The following ROBO1 variants were observed in gnomAD, a reference collection of about 807,000 sequenced individuals.
The protein encoded by ROBO1 is roundabout guidance receptor 1.
A neutral mutation model predicts 195.9 loss-of-function variants in ROBO1; 149 were observed. The observed-to-expected ratio is 0.76, with a 90% confidence interval of 0.67 to 0.87. The LOEUF is 0.87. Ranked by LOEUF, ROBO1 falls within the 40% of genes least tolerant of loss-of-function variation. The pLI, the probability that ROBO1 is intolerant of heterozygous loss-of-function variation, is 0.00. For synonymous variants in ROBO1, 816 were observed against 733.2 expected, an observed-to-expected ratio of 1.11 and a Z score of -1.82; for missense variants, 1,933 against 2,068.3, an observed-to-expected ratio of 0.93 and a Z score of 1.27.
chr3:78,802,177 AG>A (rs1285101825), intron 4 of ROBO1, among the ~76,000 whole-genome samples: 1 of 152,180 alleles, frequency 6.6e-6, no homozygotes, highest in East Asian at 1.9e-4. Context: ...GAAGGGTGTC[AG>A]CTGAATTTAA....
rs2108049689 is a variant in ROBO1 at position 79,636,694 on chromosome 3, A to C, written c.-50-46733T>G. On this transcript the variant is annotated intron_variant, in intron 1 of 30. Coordinates refer to ENST00000464233, the MANE Select transcript of ROBO1 (RefSeq NM_002941.4). ...CTATTCTGAGAATAATTGAAAGCTC[A>C]CTGGATAATACAGGCAACAACAAAT... is the stretch of plus-strand genomic sequence containing the variant. Among the ~76,000 whole-genome samples the C allele has an allele frequency of 1.3e-5, 2 of 152,258 alleles. 1 individual carries two copies. Among genetic ancestry groups the C allele is most frequent in the Middle Eastern group, 6.8e-3 (2 of 294 alleles).
At position 79,650,890 on chromosome 3, in the gene ROBO1, C is replaced by T. The variant is rs191186537; in HGVS notation, c.-50-60929G>A. Reference sequence around the variant, plus strand: ...TAGAAAATATTCAATAGCATGTTTGCGTGTTATTAAATAACATGTTATTAA... The same window carrying T: ...TAGAAAATATTCAATAGCATGTTTGTGTGTTATTAAATAACATGTTATTAA... On this transcript the variant is annotated intron_variant, in intron 1 of 30. Coordinates refer to ENST00000464233, the MANE Select transcript of ROBO1 (RefSeq NM_002941.4). 5.3e-5 allele frequency among the ~76,000 whole-genome samples: 8 copies of T among 151,856 alleles called. No homozygotes were observed. In the South Asian group the frequency reaches 6.2e-4, roughly 12 times the overall value.
chr3:78,603,770 G>C (rs1227118468), intron 29 of ROBO1, among the ~76,000 whole-genome samples: 1 of 151,984 alleles, frequency 6.6e-6, no homozygotes, highest in Non-Finnish European at 1.5e-5. Flanking sequence ...TATACATAGG[G>C]TTATGATCCA....
Position 79,001,662 on chromosome 3 carries a change from A to C in ROBO1, c.173-62735T>G, listed in dbSNP as rs1037986447. 3.7e-4 allele frequency among the ~76,000 whole-genome samples: 56 copies of C among 152,128 alleles called. 1 individual carries two copies. Among genetic ancestry groups the C allele is most frequent in the African/African-American group, 1.3e-3 (55 of 41,434 alleles). On this transcript the variant is annotated intron_variant, in intron 3 of 30. Coordinates refer to ENST00000464233, the MANE Select transcript of ROBO1 (RefSeq NM_002941.4). ...TAAGATACTAGGCAATTTTTAAAAA[A>C]TTATTTTAACAATAATTTGAGGTTC...
chr3:79,270,616 C>T (rs115184357), intron 2 of ROBO1, among the ~76,000 whole-genome samples: 58 of 151,724 alleles, frequency 3.8e-4, no homozygotes, highest in African/African-American at 1.4e-3. Flanking sequence ...TTTAGCTTGA[C>T]ATCTGCCAAT....
At chr3:79,069,408 G>A (rs1361204738) in intron 3 of ROBO1, among the ~76,000 whole-genome samples, 1 of 151,784 alleles carries the variant, frequency 6.6e-6, no homozygotes, top group East Asian at 1.9e-4. Context: ...CCTGGACATG[G>A]TCCTCTAATT....
At chr3:78,844,019 C>G (rs1203322903) in intron 4 of ROBO1, among the ~76,000 whole-genome samples, 3 of 152,040 alleles carry the variant, frequency 2.0e-5, no homozygotes, top group African/African-American at 7.2e-5. Context: ...TGTATTAACT[C>G]CACTAAATCA....
intron 3 of ROBO1, among the ~76,000 whole-genome samples, chr3:79,059,862 C>A (rs893229877): frequency 1.3e-5 from 2 of 151,938 alleles, no homozygotes; most frequent in African/African-American, 4.8e-5. Flanking sequence ...AATATGAAAT[C>A]TGGGCATCCT....
At chr3:79,749,546 T>C (rs1006996510) in intron 1 of ROBO1, among the ~76,000 whole-genome samples, 5 of 151,902 alleles carry the variant, frequency 3.3e-5, no homozygotes, top group African/African-American at 1.2e-4. Flanking sequence ...GGCCTGGAGG[T>C]CTAGGACTAA....
chr3:79,333,453 T>G (rs2034535773), intron 2 of ROBO1, among the ~76,000 whole-genome samples: 1 of 152,120 alleles, frequency 6.6e-6, no homozygotes, highest in Non-Finnish European at 1.5e-5. Context: ...TCCTCATCAA[T>G]TATCAAGCAT....
intron 2 of ROBO1, among the ~76,000 whole-genome samples, chr3:79,293,620 A>G (rs551040814): frequency 6.6e-6 from 1 of 152,300 alleles, no homozygotes; most frequent in South Asian, 2.1e-4. Context: ...TGCTCAAGGA[A>G]ATAGCAGAGG....
intron 3 of ROBO1, among the ~76,000 whole-genome samples, chr3:79,020,064 ACT>A (rs1228646273): frequency 6.6e-6 from 1 of 151,864 alleles, no homozygotes; most frequent in African/African-American, 2.4e-5. Context: ...TTCAGTTGAA[ACT>A]CTCTCTTTCA....
chr3:79,491,560 T>A (rs1020376838), intron 2 of ROBO1, among the ~76,000 whole-genome samples: 4 of 152,164 alleles, frequency 2.6e-5, no homozygotes, highest in African/African-American at 9.7e-5. Context: ...AGCATGTGCA[T>A]AAAATCTTTG....
intron 1 of ROBO1, among the ~76,000 whole-genome samples, chr3:79,661,538 T>C (rs552770119): frequency 9.3e-4 from 142 of 152,162 alleles, no homozygotes; most frequent in African/African-American, 3.3e-3. Context: ...TTCCTTTTTT[T>C]TCTATCGTCT....
At chr3:79,500,382 G>A (rs911549688) in intron 2 of ROBO1, among the ~76,000 whole-genome samples, 5 of 152,014 alleles carry the variant, frequency 3.3e-5, no homozygotes, top group African/African-American at 9.7e-5. Flanking sequence ...CACCTGCCTC[G>A]GCTTCCCAAA....
At chr3:78,766,808 C>A (rs578175372) in intron 4 of ROBO1, among the ~76,000 whole-genome samples, 1 of 152,226 alleles carries the variant, frequency 6.6e-6, no homozygotes, top group East Asian at 1.9e-4. Flanking sequence ...GCCAATCTTG[C>A]TGAGAGTTTT....
chr3:78,965,801 C>A (rs2076629636), intron 3 of ROBO1, among the ~76,000 whole-genome samples: 1 of 152,028 alleles, frequency 6.6e-6, no homozygotes, highest in East Asian at 1.9e-4. Context: ...GGGTTCTTAC[C>A]CTCTAATCCA....
At chr3:78,919,211 A>G (rs981935326) in intron 4 of ROBO1, among the ~76,000 whole-genome samples, 1 of 152,120 alleles carries the variant, frequency 6.6e-6, no homozygotes, top group African/African-American at 2.4e-5. Flanking sequence ...TCACAAAGTG[A>G]CTCACTGGAT....
chr3:79,717,438 A>G (rs574112508), intron 1 of ROBO1, among the ~76,000 whole-genome samples: 5 of 152,118 alleles, frequency 3.3e-5, no homozygotes, highest in South Asian at 2.1e-4. Context: ...ACCCTGAACA[A>G]TCTTGGTGAG....
Sources: allele counts gnomAD v4.1 joint callset (sites outside exome capture counted in the v4.1 genomes callset), GRCh38; gene constraint gnomAD v4.1.1; transcripts MANE v1.5; gene names NCBI Gene and HGNC (gene_info 2026-07-23, HGNC 2026-07-21).